Variants in FHIP1A observed in about 807,000 individuals in gnomAD.
The protein encoded by FHIP1A is FHF complex subunit HOOK-interacting protein 1A.
In FHIP1A, 61 loss-of-function variants were observed where a neutral mutation model predicts 88.6. The ratio of observed to expected loss-of-function variants is 0.69; its 90% CI spans 0.56 to 0.85. The LOEUF is 0.85. FHIP1A is among the 40% of genes least tolerant of loss of function. The probability of loss-of-function intolerance (pLI) is 0.00; values close to 1 mark genes in which losing one functional copy is unlikely to be tolerated. For missense variants in FHIP1A, 1,154 were observed against 1,273.5 expected, an observed-to-expected ratio of 0.91 and a Z score of 1.43; for synonymous variants, 478 against 496.0, an observed-to-expected ratio of 0.96 and a Z score of 0.48.
At chr4:151,649,396 C>A (rs1048248230) in intron 10 of FHIP1A, 63 bp from the exon 11 acceptor site, 4 of 1,247,944 alleles carry the variant, frequency 3.2e-6, no homozygotes, top group Non-Finnish European at 4.5e-6. Context: ...TGGGTCACAA[C>A]CCCATCCACT....
In FHIP1A at chr4:151,636,159, G is replaced by A. The variant is rs1314430239; in HGVS notation, c.1147-2518G>A. On this transcript the variant is annotated intron_variant, in intron 8 of 13. Coordinates refer to ENST00000435205, the MANE Select transcript of FHIP1A (RefSeq NM_001109977.3). ...GGATATATCAAACTAGGATTGTAAA[G>A]CTGGTTTAAAGTCTGAAAATCAATT... Among the ~76,000 whole-genome samples the A allele has an allele frequency of 8.5e-5, 13 of 152,050 alleles. No individual in the cohort carries two copies. The East Asian group carries it at 2.5e-3, about 29-fold the overall frequency.
rs545305837 is a variant in FHIP1A, at chr4:151,497,799, C to A, written c.-123+15151C>A. Among the ~76,000 whole-genome samples, 4 of 152,340 alleles carry A rather than the reference C, an allele frequency of 2.6e-5. No individual in the cohort carries two copies. In the South Asian group the frequency reaches 8.3e-4, roughly 32 times the overall value. On this transcript the variant is annotated intron_variant, in intron 3 of 13. Coordinates refer to ENST00000435205, the MANE Select transcript of FHIP1A (RefSeq NM_001109977.3). ...TTTAGGCTCCTCTGAGCCCTCTTCT[C>A]GACTCAGCCATGACTTGTGGCCCCA...
intron 1 of FHIP1A, among the ~76,000 whole-genome samples, chr4:151,440,178 A>G (rs1728351204): frequency 6.6e-6 from 1 of 152,080 alleles, no homozygotes; most frequent in African/African-American, 2.4e-5. Context: ...GAACTCACTC[A>G]CTATCATGAG....
chr4:151,552,833 A>G (rs1342377604), intron 3 of FHIP1A, among the ~76,000 whole-genome samples: 5 of 151,576 alleles, frequency 3.3e-5, no homozygotes, highest in African/African-American at 1.2e-4. Flanking sequence ...ATTAAAAAAA[A>G]AAAAAGAAAA....
intron 2 of FHIP1A, among the ~76,000 whole-genome samples, chr4:151,477,494 A>G (rs985784245): frequency 3.3e-5 from 5 of 152,158 alleles, no homozygotes; most frequent in Admixed American, 1.3e-4. Flanking sequence ...AGAAGCCATA[A>G]AAGAAGAGAT....
chr4:151,550,999 C>T (rs1463329276), intron 3 of FHIP1A, among the ~76,000 whole-genome samples: 1 of 152,114 alleles, frequency 6.6e-6, no homozygotes, highest in Non-Finnish European at 1.5e-5. Flanking sequence ...ATGAACTGCC[C>T]TTAAGGGGGA....
intron 3 of FHIP1A, among the ~76,000 whole-genome samples, chr4:151,514,778 C>T (rs1291062228): frequency 6.6e-6 from 1 of 152,012 alleles, no homozygotes; most frequent in African/African-American, 2.4e-5. Flanking sequence ...TCTGAATAGA[C>T]CAATAACAGG....
chr4:151,483,097 A>C (rs553489771), intron 3 of FHIP1A, among the ~76,000 whole-genome samples: 1 of 152,254 alleles, frequency 6.6e-6, no homozygotes, highest in African/African-American at 2.4e-5. Context: ...AGTTTCAAGC[A>C]ATGGTAGTAT....
intron 3 of FHIP1A, among the ~76,000 whole-genome samples, chr4:151,491,189 A>G (rs1048160949): frequency 2.6e-5 from 4 of 152,350 alleles, no homozygotes; most frequent in African/African-American, 9.6e-5. Context: ...GCACATAGTC[A>G]TCAGGTTATC....
intron 1 of FHIP1A, among the ~76,000 whole-genome samples, chr4:151,417,350 A>G (rs1192691411): frequency 6.6e-6 from 1 of 152,160 alleles, no homozygotes; most frequent in Non-Finnish European, 1.5e-5. Context: ...CCAAGCACCA[A>G]GCAGAGGCTA....
At chr4:151,554,247 C>T (rs1042159058) in intron 3 of FHIP1A, among the ~76,000 whole-genome samples, 15 of 152,140 alleles carry the variant, frequency 9.9e-5, no homozygotes, top group African/African-American at 3.6e-4. Context: ...AGTGGCTTTT[C>T]TCACTGGTGG....
chr4:151,472,434 A>G (rs1204765245), intron 2 of FHIP1A, among the ~76,000 whole-genome samples: 5 of 152,268 alleles, frequency 3.3e-5, no homozygotes, highest in Admixed American at 1.3e-4. Flanking sequence ...CTGATGGCTG[A>G]TAGGCTGGGT....
intron 3 of FHIP1A, among the ~76,000 whole-genome samples, chr4:151,537,441 G>T (rs1036641801): frequency 6.6e-6 from 1 of 151,880 alleles, no homozygotes; most frequent in African/African-American, 2.4e-5. Context: ...CATGTCTTTT[G>T]CCCCTTTTCT....
intron 3 of FHIP1A, among the ~76,000 whole-genome samples, chr4:151,548,528 C>T (rs1732594999): frequency 6.6e-6 from 1 of 152,178 alleles, no homozygotes; most frequent in Non-Finnish European, 1.5e-5. Flanking sequence ...AAAACCAAGA[C>T]CAAAACCAAG....
intron 3 of FHIP1A, among the ~76,000 whole-genome samples, chr4:151,490,501 CTGAACAGCAGCTCT>C (rs1730244763): frequency 6.6e-6 from 1 of 152,144 alleles, no homozygotes; most frequent in African/African-American, 2.4e-5. Context: ...ACAAAAAAAT[CTGAACAGCAGCTCT>C]TGAGTTCCAG....
chr4:151,452,199 A>T (rs1728814823), intron 1 of FHIP1A, among the ~76,000 whole-genome samples: 1 of 152,206 alleles, frequency 6.6e-6, no homozygotes, highest in Admixed American at 6.5e-5. Flanking sequence ...AGTAGATTAG[A>T]CTCATTAACA....
intron 7 of FHIP1A, among the ~76,000 whole-genome samples, chr4:151,623,888 C>T (rs573370971): frequency 2.9e-4 from 44 of 152,306 alleles, no homozygotes; most frequent in Non-Finnish European, 5.3e-4. Flanking sequence ...GCAAGGCTAA[C>T]ATAACTTCTG....
chr4:151,631,995 T>C (rs992750019), intron 8 of FHIP1A, among the ~76,000 whole-genome samples: 2 of 152,054 alleles, frequency 1.3e-5, no homozygotes, highest in African/African-American at 4.8e-5. Context: ...AGTCAAAAGA[T>C]ATAAACTGGC....
At chr4:151,579,263 A>G (rs1043445790) in intron 5 of FHIP1A, among the ~76,000 whole-genome samples, 3 of 152,144 alleles carry the variant, frequency 2.0e-5, no homozygotes, top group South Asian at 4.1e-4. Context: ...GGTGACTATA[A>G]TGTGTCACTG....
Sources: gnomAD v4.1 joint callset for allele counts (sites outside exome capture counted in the v4.1 genomes callset) on GRCh38, gnomAD v4.1.1 for gene constraint, MANE v1.5 for transcripts, NCBI Gene and HGNC (gene_info 2026-07-23, HGNC 2026-07-21) for gene names.